The following TCF7L1 variants were observed in gnomAD, a reference collection of about 807,000 sequenced individuals.
The protein encoded by TCF7L1 is transcription factor 7 like 1, also known as transcription factor 7-like 1.
TCF7L1 carries 18 observed loss-of-function variants against 63.7 expected under a neutral mutation model. The observed-to-expected ratio is 0.28, with a 90% CI of 0.20 to 0.42. The LOEUF is 0.42. Ranked by LOEUF, TCF7L1 falls within the 10% of genes least tolerant of loss-of-function variation. TCF7L1 has a pLI of 1.00. For missense variants in TCF7L1, 654 were observed against 779.3 expected (o/e 0.84, Z 1.91); for synonymous variants, 355 against 340.9 (o/e 1.04, Z -0.46).
intron 3 of TCF7L1, among the ~76,000 whole-genome samples, chr2:85,207,609 G>A (rs2104285500): frequency 6.6e-6 from 1 of 151,734 alleles, no homozygotes; most frequent in East Asian, 2.0e-4. Context: ...ACGTGAAAGG[G>A]TAGGTGGGTG....
chr2:85,283,624 C>T, intron 4 of TCF7L1, 46 bp downstream of exon 4: 1 of 1,599,702 alleles, frequency 6.3e-7, no homozygotes, highest in Non-Finnish European at 8.6e-7. Flanking sequence ...CTATTAGTGG[C>T]CTCATCCCAT....
rs139896461 is a variant in TCF7L1, at chr2:85,306,039, G to A, written c.990-167G>A. 1.7e-3 allele frequency among the ~76,000 whole-genome samples: 259 copies of A among 152,168 alleles called. 2 individuals are homozygous for A. The highest frequency in any genetic ancestry group is 5.8e-3 in the African/African-American group (241 of 41,500). On this transcript the variant is annotated intron_variant, in intron 8 of 11. Coordinates refer to ENST00000282111, the MANE Select transcript of TCF7L1 (RefSeq NM_031283.3). This position sits in a 1 kb window ranked among gnomAD's most constrained non-coding sequence, Gnocchi z 4.3. ...AGATCGTTCAAAGGTGGGAAACTACGGGAGGAAGGTACTCAGGTGTTGAGT... is the reference window on the plus strand; with the variant it reads ...AGATCGTTCAAAGGTGGGAAACTACAGGAGGAAGGTACTCAGGTGTTGAGT...
intron 3 of TCF7L1, among the ~76,000 whole-genome samples, chr2:85,194,053 T>G (rs1572986056): frequency 6.8e-6 from 1 of 147,428 alleles, no homozygotes; most frequent in African/African-American, 2.5e-5. Flanking sequence ...TGGAGAGGGG[T>G]GGGGCAGAAC....
intron 3 of TCF7L1, among the ~76,000 whole-genome samples, chr2:85,230,392 G>T (rs959459756): frequency 9.9e-5 from 15 of 152,142 alleles, no homozygotes; most frequent in African/African-American, 3.4e-4. Flanking sequence ...GGAGTGCAAT[G>T]GTGTGATCTC....
intron 4 of TCF7L1, among the ~76,000 whole-genome samples, chr2:85,285,577 G>A (rs966103668): frequency 1.3e-5 from 2 of 152,244 alleles, no homozygotes; most frequent in African/African-American, 4.8e-5. Context: ...CCACACCTCA[G>A]GCATAAGCCA....
At chr2:85,303,481 T>A (rs1682033443) in intron 5 of TCF7L1, 1 of 160,878 alleles carries the variant, frequency 6.2e-6, no homozygotes, top group African/African-American at 2.4e-5. Context: ...CACTACAAGT[T>A]ACAGATAATG....
intron 3 of TCF7L1, among the ~76,000 whole-genome samples, chr2:85,249,144 GT>G (rs1026896152): frequency 2.6e-4 from 39 of 152,300 alleles, no homozygotes; most frequent in African/African-American, 9.1e-4. Flanking sequence ...TGAAATTTTA[GT>G]TTTTGCTTTT....
In TCF7L1 at chr2:85,309,255, C is replaced by T. The variant is rs368990716; in HGVS notation, c.1560C>T (p.Ala520=). Residue 520 remains alanine (A), a synonymous_variant, in exon 12 of 12, where the codon GCC becomes GCT. Transcript: ENST00000282111. ...GGGCCCAGCTGGCTCTCCACTCTGCCGCCTTCCTGTCGGCTAAGGCTGCAG... is the reference window on the plus strand; with the variant it reads ...GGGCCCAGCTGGCTCTCCACTCTGCTGCCTTCCTGTCGGCTAAGGCTGCAG... ...ETRAQLALHS[A]AFLSAKAAAS... 57 of 1,614,036 alleles carry T rather than the reference C, an allele frequency of 3.5e-5. No homozygotes were observed. Among genetic ancestry groups the T allele is most frequent in the Middle Eastern group, 3.3e-4 (2 of 6,062 alleles).
At chr2:85,144,747 GTGTATGTGTGTGTGTGTGTA>G (rs1677834562) in intron 3 of TCF7L1, among the ~76,000 whole-genome samples, 1 of 147,760 alleles carries the variant, frequency 6.8e-6, no homozygotes, top group Non-Finnish European at 1.5e-5. Flanking sequence ...GTGTGTGTGT[GTGTATGTGTGTGTGTGTGTA>G]TGTATGTTTA....
intron 3 of TCF7L1, chr2:85,186,725 G>A (rs1024752518): frequency 1.3e-5 from 2 of 152,218 alleles, no homozygotes; most frequent in Non-Finnish European, 2.9e-5. Flanking sequence ...GAGTCCCAAA[G>A]AAGGCATTTG....
intron 3 of TCF7L1, among the ~76,000 whole-genome samples, chr2:85,205,534 ATTGT>A (rs1679385911): frequency 9.1e-6 from 1 of 109,804 alleles, no homozygotes; most frequent in African/African-American, 4.0e-5. Context: ...GTCAGCCCAC[ATTGT>A]TTTTTTTTTT....
chr2:85,254,145 A>C (rs1189949853), intron 3 of TCF7L1, among the ~76,000 whole-genome samples: 2 of 152,256 alleles, frequency 1.3e-5, no homozygotes, highest in Non-Finnish European at 2.9e-5. Flanking sequence ...GCATCATCTC[A>C]TTAGGGATAA....
intron 4 of TCF7L1, among the ~76,000 whole-genome samples, chr2:85,293,533 C>T (rs1488145357): frequency 6.6e-6 from 1 of 152,162 alleles, no homozygotes; most frequent in Admixed American, 6.5e-5. Flanking sequence ...CCAATTAAAC[C>T]TCTTTTCTTT....
chr2:85,133,991 T>C lies in TCF7L1; in HGVS notation c.250-25T>C. On this transcript the variant is annotated intron_variant, in intron 1 of 11. Coordinates refer to ENST00000282111, the MANE Select transcript of TCF7L1 (RefSeq NM_031283.3). This position sits in a 1 kb window ranked among gnomAD's most constrained non-coding sequence, Gnocchi z 4.4. Reference sequence around the variant, plus strand: ...CCCGGCCCTGCGTCCGCTCACCCGCTCTTGCCTTTGTGTCTCCTCCGCAGG... The same window carrying C: ...CCCGGCCCTGCGTCCGCTCACCCGCCCTTGCCTTTGTGTCTCCTCCGCAGG... 1 of 1,607,172 alleles carries C rather than the reference T, an allele frequency of 6.2e-7. No individual in the cohort carries two copies.
intron 3 of TCF7L1, among the ~76,000 whole-genome samples, chr2:85,183,329 C>A (rs1355794669): frequency 6.6e-6 from 1 of 152,130 alleles, no homozygotes; most frequent in East Asian, 1.9e-4. Context: ...GTGCTAGCAC[C>A]AAGGGGAGTC....
intron 3 of TCF7L1, among the ~76,000 whole-genome samples, chr2:85,228,389 C>T (rs1016366843): frequency 3.3e-5 from 5 of 152,128 alleles, no homozygotes; most frequent in Non-Finnish European, 7.4e-5. Flanking sequence ...CCACTGTACT[C>T]CTGCCTGGGT....
intron 3 of TCF7L1, among the ~76,000 whole-genome samples, chr2:85,141,011 T>C (rs992058773): frequency 2.0e-5 from 3 of 151,796 alleles, no homozygotes; most frequent in Non-Finnish European, 2.9e-5. Flanking sequence ...TTGAGCCAGA[T>C]GCTGTGGCTT....
chr2:85,134,271 C>T lies in TCF7L1; in HGVS notation c.314-52C>T, dbSNP rs1677536148. ...TCCCGCCTCGAGCCCCCTGCCGCGG[C>T]GCTGTCAGTCCCGGGGGCCTGGGCC... On this transcript the variant is annotated intron_variant, in intron 2 of 11. Transcript: ENST00000282111. This position sits in a 1 kb window ranked among gnomAD's most constrained non-coding sequence, Gnocchi z 5.0. 10 of 1,516,500 alleles carry T rather than the reference C, an allele frequency of 6.6e-6. No individual in the cohort carries two copies. The highest frequency in any genetic ancestry group is 7.1e-6 in the Non-Finnish European group (8 of 1,130,316). The allele number at this position is 1,516,500 out of a possible 1,614,324, so 93.9% of individuals were successfully genotyped here.
At chr2:85,164,995 T>G (rs894154455) in intron 3 of TCF7L1, among the ~76,000 whole-genome samples, 1 of 152,256 alleles carries the variant, frequency 6.6e-6, no homozygotes, top group Non-Finnish European at 1.5e-5. Flanking sequence ...AACTGCATTT[T>G]ACTGTAATTG....
Sources: allele counts gnomAD v4.1 joint callset (sites outside exome capture counted in the v4.1 genomes callset), GRCh38; gene constraint gnomAD v4.1.1; non-coding constraint Gnocchi (gnomAD v3.1); transcripts MANE v1.5; gene names NCBI Gene and HGNC (gene_info 2026-07-23, HGNC 2026-07-21).